The following CFAP299 variants were observed in gnomAD, a reference collection of about 807,000 sequenced individuals.
CFAP299 encodes cilia and flagella associated protein 299, also known as cilia- and flagella-associated protein 299.
Under a neutral mutation model 27.0 loss-of-function variants are expected in CFAP299, and 21 were observed. That is an observed-to-expected ratio of 0.78 (90% CI 0.55 to 1.12). CFAP299 has a LOEUF of 1.12. Ranked by LOEUF, CFAP299 falls within the 50% of genes most tolerant of loss-of-function variation. The pLI is 0.00. For synonymous variants in CFAP299, 104 were observed against 98.1 expected, an observed-to-expected ratio of 1.06 and a Z score of -0.36; for missense variants, 310 against 276.6, an observed-to-expected ratio of 1.12 and a Z score of -0.86.
intron 2 of CFAP299, among the ~76,000 whole-genome samples, chr4:80,424,099 C>T (rs561425382): frequency 1.5e-4 from 23 of 152,246 alleles, no homozygotes; most frequent in Non-Finnish European, 2.6e-4. Context: ...TGTGTGTCCT[C>T]CTGATCAGTC....
At chr4:80,858,713 G>T (rs1732101226) in intron 3 of CFAP299, among the ~76,000 whole-genome samples, 1 of 152,144 alleles carries the variant, frequency 6.6e-6, no homozygotes, top group South Asian at 2.1e-4. Context: ...ATATAGTTGA[G>T]CGGTTTTGAG....
intron 2 of CFAP299, among the ~76,000 whole-genome samples, chr4:80,571,263 A>G (rs888046026): frequency 2.0e-5 from 3 of 152,130 alleles, no homozygotes; most frequent in African/African-American, 7.2e-5. Flanking sequence ...ATAAATTCAT[A>G]TTCAAGATAA....
intron 3 of CFAP299, among the ~76,000 whole-genome samples, chr4:80,843,890 T>A (rs940121628): frequency 3.3e-5 from 5 of 151,110 alleles, no homozygotes; most frequent in African/African-American, 1.2e-4. Context: ...TAGGTATATC[T>A]CCTAATGTAT....
chr4:80,363,342 G>A (rs1461346645), intron 2 of CFAP299, among the ~76,000 whole-genome samples: 2 of 152,036 alleles, frequency 1.3e-5, no homozygotes, highest in South Asian at 2.1e-4. Flanking sequence ...TATATAATAT[G>A]TGGTTATATT....
chr4:80,794,149 A>C (rs1727723045), intron 3 of CFAP299, among the ~76,000 whole-genome samples: 1 of 152,214 alleles, frequency 6.6e-6, no homozygotes, highest in South Asian at 2.1e-4. Flanking sequence ...CAATCACCCC[A>C]GCCAACACTG....
intron 2 of CFAP299, among the ~76,000 whole-genome samples, chr4:80,539,835 TAAAGA>T (rs1467125685): frequency 1.3e-5 from 2 of 152,104 alleles, no homozygotes; most frequent in African/African-American, 4.8e-5. Context: ...TGCCAGGACA[TAAAGA>T]TATGACTGTA....
intron 4 of CFAP299, among the ~76,000 whole-genome samples, chr4:80,885,062 G>C (rs1371879565): frequency 6.6e-6 from 1 of 152,174 alleles, no homozygotes; most frequent in Admixed American, 6.5e-5. Flanking sequence ...GGAGAGTTTA[G>C]TGACTGGGTG....
chr4:80,933,971 A>G (rs954496003), intron 4 of CFAP299, among the ~76,000 whole-genome samples: 7 of 152,128 alleles, frequency 4.6e-5, no homozygotes, highest in African/African-American at 1.4e-4. Context: ...TACATTGAAT[A>G]TAAATGGTGA....
At chr4:80,852,959 T>C (rs1731609561) in intron 3 of CFAP299, among the ~76,000 whole-genome samples, 1 of 152,176 alleles carries the variant, frequency 6.6e-6, no homozygotes, top group African/African-American at 2.4e-5. Context: ...TAGAACAAAA[T>C]GAAGTCTCTA....
intron 3 of CFAP299, among the ~76,000 whole-genome samples, chr4:80,788,552 G>A (rs150429118): frequency 0.02 from 3,043 of 152,032 alleles, 76 homozygotes; most frequent in South Asian, 0.059. Context: ...TGTATATATA[G>A]TGTGTGTGAT....
At chr4:80,890,574 C>A (rs983547537) in intron 4 of CFAP299, among the ~76,000 whole-genome samples, 3 of 149,494 alleles carry the variant, frequency 2.0e-5, no homozygotes, top group Non-Finnish European at 4.5e-5. Context: ...GGGTATATAC[C>A]CAGTAATGGG....
At chr4:80,493,757 TTC>T (rs1377098943) in intron 2 of CFAP299, among the ~76,000 whole-genome samples, 17 of 138,556 alleles carry the variant, frequency 1.2e-4, no homozygotes, top group Admixed American at 3.5e-4. Context: ...CTATCTCATA[TTC>T]TTTTTTTTTT....
intron 1 of CFAP299, among the ~76,000 whole-genome samples, chr4:80,346,779 C>G (rs943541985): frequency 5.9e-5 from 9 of 152,046 alleles, no homozygotes; most frequent in African/African-American, 1.9e-4. Flanking sequence ...TCCATATGAA[C>G]TTTAAAGTAG....
At chr4:80,622,738 A>G (rs191946787) in intron 3 of CFAP299, among the ~76,000 whole-genome samples, 28 of 152,290 alleles carry the variant, frequency 1.8e-4, no homozygotes, top group Non-Finnish European at 3.2e-4. Context: ...AATATTTTAT[A>G]GGCCAGAAAT....
At chr4:80,482,832 T>G (rs964099970) in intron 2 of CFAP299, among the ~76,000 whole-genome samples, 1 of 152,210 alleles carries the variant, frequency 6.6e-6, no homozygotes, top group Non-Finnish European at 1.5e-5. Context: ...TCTCAGTGAA[T>G]TATAATGTTA....
intron 2 of CFAP299, among the ~76,000 whole-genome samples, chr4:80,400,562 G>T (rs191437511): frequency 6.6e-6 from 1 of 151,992 alleles, no homozygotes; most frequent in Non-Finnish European, 1.5e-5. Context: ...TCTTGCTACC[G>T]CCATGTAAGA....
At chr4:80,582,544 A>T (rs1736224837) in intron 2 of CFAP299, among the ~76,000 whole-genome samples, 1 of 151,886 alleles carries the variant, frequency 6.6e-6, no homozygotes, top group South Asian at 2.1e-4. Flanking sequence ...GATCTTTGTG[A>T]TACATTTCTT....
chr4:80,436,006 A>T (rs1417465004), intron 2 of CFAP299, among the ~76,000 whole-genome samples: 1 of 152,172 alleles, frequency 6.6e-6, no homozygotes, highest in Non-Finnish European at 1.5e-5. Flanking sequence ...GCAGTAATTG[A>T]TGAGATTTGG....
chr4:80,908,571 C>T (rs752845371), intron 4 of CFAP299, among the ~76,000 whole-genome samples: 1 of 152,112 alleles, frequency 6.6e-6, no homozygotes, highest in African/African-American at 2.4e-5. Flanking sequence ...TGTACCTGCC[C>T]GTACACATTA....
Sources: allele counts gnomAD v4.1 joint callset (sites outside exome capture counted in the v4.1 genomes callset), GRCh38; gene constraint gnomAD v4.1.1; transcripts MANE v1.5; gene names NCBI Gene and HGNC (gene_info 2026-07-23, HGNC 2026-07-21).